Variants in SBNO1 observed in about 807,000 individuals in gnomAD.
The protein encoded by SBNO1 is protein strawberry notch homolog 1.
A neutral mutation model predicts 173.6 loss-of-function variants in SBNO1; 23 were observed. The ratio of observed to expected loss-of-function variants is 0.13; its 90% CI spans 0.10 to 0.19. The LOEUF is 0.19. SBNO1 is among the 10% of genes least tolerant of loss of function. The pLI is 1.00. For synonymous variants in SBNO1, 632 were observed against 571.5 expected (o/e 1.11, Z -1.51); for missense variants, 1,238 against 1,671.2 (o/e 0.74, Z 4.52).
chr12:123,346,275 T>C (rs1873126887), intron 3 of SBNO1, among the ~76,000 whole-genome samples: 1 of 152,112 alleles, frequency 6.6e-6, no homozygotes, highest in African/African-American at 2.4e-5. Context: ...TAACAGAAAG[T>C]TTCTAATGCC....
In SBNO1 at chr12:123,364,821, C is replaced by A. The variant is rs1875968356; in HGVS notation, c.-121G>T. ...CAGCAGCGGCGTCCTGCTCTGCCTA[C>A]CTCCCCGCCGCCATCTTGACGCCCC... On this transcript the variant is annotated 5_prime_UTR_variant, in exon 1 of 32. Coordinates refer to ENST00000602398, the MANE Select transcript of SBNO1 (RefSeq NM_001167856.3). The A allele has an allele frequency of 1.6e-5, 16 of 975,054 alleles. No homozygotes were observed. The highest frequency in any genetic ancestry group is 2.0e-5 in the Non-Finnish European group (16 of 820,492). The allele number at this position is 975,054 out of a possible 1,614,324, so 60.4% of individuals were successfully genotyped here. A position where few individuals can be genotyped will look rare whatever the true frequency, so the allele number is the denominator to read the frequency against.
intron 28 of SBNO1, among the ~76,000 whole-genome samples, chr12:123,305,048 A>T (rs1215052868): frequency 6.6e-6 from 1 of 152,240 alleles, no homozygotes; most frequent in Non-Finnish European, 1.5e-5. Flanking sequence ...CCAGTCAAGC[A>T]GCCTCAGAGA....
chr12:123,364,270 G>A (rs976094361), intron 1 of SBNO1: 24 of 985,438 alleles, frequency 2.4e-5, no homozygotes, highest in Admixed American at 6.1e-5. Flanking sequence ...CACGAAAGAG[G>A]ACTTGGGAAG....
intron 9 of SBNO1, among the ~76,000 whole-genome samples, chr12:123,329,471 TAA>T (rs1159518035): frequency 6.6e-6 from 1 of 150,768 alleles, no homozygotes; most frequent in Admixed American, 6.6e-5. Context: ...CCTATAAGAA[TAA>T]AAAGTCACAA....
chr12:123,341,976 C>A (rs928733046), intron 4 of SBNO1, among the ~76,000 whole-genome samples: 19 of 151,384 alleles, frequency 1.3e-4, no homozygotes, highest in African/African-American at 4.4e-4. Context: ...TACCCAAAAG[C>A]CAGCATTACT....
intron 7 of SBNO1, among the ~76,000 whole-genome samples, chr12:123,332,707 G>C (rs1165682371): frequency 2.0e-5 from 3 of 151,394 alleles, no homozygotes; most frequent in African/African-American, 7.3e-5. Flanking sequence ...GATGGCACTA[G>C]AGGTGTGTAC....
rs754030010 is a variant in SBNO1 at position 123,350,433 on chromosome 12, C to T, written c.9G>A (p.Glu3=). The T allele has an allele frequency of 6.2e-6, 10 of 1,613,016 alleles. No individual in the cohort carries two copies. The African/African-American group carries it at 1.3e-4, about 22-fold the overall frequency. Reference sequence around the variant, plus strand: ...CAGCAAGCAGTAAATCTTGCCCTGGCTCCACCATCTTTAAAGGGAAATATT... The same window carrying T: ...CAGCAAGCAGTAAATCTTGCCCTGGTTCCACCATCTTTAAAGGGAAATATT... The part of the protein sequence containing the change: MV[E]PGQDLLLAAL... The change falls in exon 2 of 32, where the codon GAG becomes GAA. Residue 3 remains glutamate (E), a synonymous_variant. Transcript: ENST00000602398.
intron 4 of SBNO1, among the ~76,000 whole-genome samples, chr12:123,343,486 A>G (rs1418670505): frequency 6.6e-6 from 1 of 151,350 alleles, no homozygotes; most frequent in African/African-American, 2.4e-5. Context: ...TAAAAAGAGG[A>G]CCATCTCCTA....
rs763916747 is a variant in SBNO1 at position 123,317,362 on chromosome 12, T to C, written c.2800-6A>G. 6.2e-6 allele frequency: 10 copies of C among 1,613,492 alleles called. No individual in the cohort carries two copies. The highest frequency in any genetic ancestry group is 7.6e-6 in the Non-Finnish European group (9 of 1,179,810). The stretch of plus-strand genomic sequence containing the variant: ...TCTGAGATGATAGCAATATTCTGTG[T>C]CAAATATAAGAAAAATAAAGTCACT... On this transcript the variant is annotated splice_region_variant and splice_polypyrimidine_tract_variant and intron_variant, in intron 20 of 31. Transcript: ENST00000602398.
chr12:123,321,029 T>A (rs1023547758), intron 17 of SBNO1, among the ~76,000 whole-genome samples, 163 bp from the exon 18 acceptor site: 1 of 152,184 alleles, frequency 6.6e-6, no homozygotes, highest in Non-Finnish European at 1.5e-5. Flanking sequence ...AATCTCCACC[T>A]CCTGGGTTCA....
At chr12:123,313,846 T>A (rs1868925325) in intron 23 of SBNO1, 127 bp from the exon 24 acceptor site, 1 of 554,604 alleles carries the variant, frequency 1.8e-6, no homozygotes, top group African/African-American at 1.9e-5. Context: ...CCCAGCACTT[T>A]GGGAGGTCGA....
chr12:123,333,189 T>A (rs535516903), intron 7 of SBNO1, among the ~76,000 whole-genome samples: 1 of 152,334 alleles, frequency 6.6e-6, no homozygotes, highest in Non-Finnish European at 1.5e-5. Context: ...TTAAAAGTTT[T>A]ATATCACACA....
intron 31 of SBNO1, among the ~76,000 whole-genome samples, chr12:123,297,456 A>C (rs147308035): frequency 4.9e-4 from 65 of 132,222 alleles, no homozygotes; most frequent in Non-Finnish European, 8.0e-4. Flanking sequence ...TGAACTCCCG[A>C]TATGCAATCC....
chr12:123,315,326 C>T (rs1448596129), intron 23 of SBNO1, 47 bp downstream of exon 23: 3 of 1,418,194 alleles, frequency 2.1e-6, no homozygotes, highest in South Asian at 1.1e-5. Context: ...CCGAAAGACA[C>T]CATACACTAT....
At chr12:123,351,962 T>C (rs186481078) in intron 1 of SBNO1, among the ~76,000 whole-genome samples, 310 of 152,152 alleles carry the variant, frequency 2.0e-3, no homozygotes, top group African/African-American at 7.1e-3. Flanking sequence ...ATGAGTTCTA[T>C]GGAGTTTGCC....
chr12:123,364,047 T>C (rs1228817760), intron 1 of SBNO1: 1 of 985,462 alleles, frequency 1.0e-6, no homozygotes, highest in African/African-American at 1.7e-5. Context: ...CCATGGGTAA[T>C]TCTTAGGGTC....
chr12:123,318,967 GTT>G (rs575457621), intron 20 of SBNO1, among the ~76,000 whole-genome samples: 15 of 135,700 alleles, frequency 1.1e-4, no homozygotes, highest in Non-Finnish European at 9.7e-5. Flanking sequence ...CTAAGGGAAC[GTT>G]TTTTTTTTTT....
chr12:123,320,626 C>T lies in SBNO1; in HGVS notation c.2492-19G>A, dbSNP rs1869841199. The T allele has an allele frequency of 1.2e-6, 2 of 1,601,662 alleles. No individual in the cohort carries two copies. The highest frequency in any genetic ancestry group is 2.3e-5 in the South Asian group (2 of 88,422). The stretch of plus-strand genomic sequence containing the variant: ...CTGTTAGCTAGATAAAGAACATTTG[C>T]TAAAAGTTAGTACAAAGTTTAAATA... On this transcript the variant is annotated intron_variant, in intron 18 of 31. Transcript: ENST00000602398.
intron 1 of SBNO1, among the ~76,000 whole-genome samples, chr12:123,356,528 C>T (rs573339361): frequency 6.6e-6 from 1 of 152,166 alleles, no homozygotes; most frequent in East Asian, 1.9e-4. Flanking sequence ...CTTGAATCCG[C>T]CCCCCTGGGT....
Sources: gnomAD v4.1 joint callset for allele counts (sites outside exome capture counted in the v4.1 genomes callset) on GRCh38, gnomAD v4.1.1 for gene constraint, MANE v1.5 for transcripts, NCBI Gene and HGNC (gene_info 2026-07-23, HGNC 2026-07-21) for gene names.